Variants in NHSL2 observed in about 807,000 individuals in gnomAD.
NHSL2 encodes the protein NHS like 2, also known as NHS-like protein 2.
Under a neutral mutation model 53.4 loss-of-function variants are expected in NHSL2, and 27 were observed. The observed-to-expected ratio is 0.51, with a 90% CI of 0.37 to 0.70. The LOEUF is 0.70. NHSL2 is among the 30% of genes least tolerant of loss of function. NHSL2 has a pLI of 0.00. For missense variants in NHSL2, 892 were observed against 980.1 expected, an observed-to-expected ratio of 0.91 and a Z score of 1.20; for synonymous variants, 408 against 404.1, an observed-to-expected ratio of 1.01 and a Z score of -0.12.
chrX:72,134,522 A>G lies in NHSL2; in HGVS notation c.578A>G (p.Gln193Arg). Residue 193 changes from glutamine to arginine, a missense_variant, in exon 4 of 8, where the codon CAG becomes CGG. By Grantham distance (43) the Gln-to-Arg change is conservative. Coordinates refer to ENST00000633930, the MANE Select transcript of NHSL2 (RefSeq NM_001013627.3). ...CTCTCCCAACAGCCTACAAAACGGC[A>G]GCTGAGCGAGGATGAGACTACCACC... ...LEFILMPTKRQLSEDETTTQG... is the reference protein window; with the variant it reads ...LEFILMPTKRRLSEDETTTQG... 3.4e-6 allele frequency: 4 copies of G among 1,166,395 alleles called. No homozygotes were observed. The highest frequency in any genetic ancestry group is 4.6e-6 in the Non-Finnish European group (4 of 871,437).
intron 1 of NHSL2, among the ~76,000 whole-genome samples, chrX:72,088,231 C>CA (rs779915425): frequency 5.2e-4 from 58 of 110,814 alleles, no homozygotes; most frequent in African/African-American, 1.4e-3. Flanking sequence ...AACTCCATCT[C>CA]AAAAAAAACA....
At chrX:72,130,448 G>A (rs1028453688) in intron 1 of NHSL2, 4 of 1,204,727 alleles carry the variant, frequency 3.3e-6, no homozygotes, top group Non-Finnish European at 4.5e-6. Flanking sequence ...GCCCTCATGC[G>A]CTTCCTCTGG....
intron 1 of NHSL2, among the ~76,000 whole-genome samples, chrX:72,030,208 G>T (rs1203894971): frequency 8.9e-6 from 1 of 112,393 alleles, no homozygotes; most frequent in Non-Finnish European, 1.9e-5. Context: ...ACGAAGAAAA[G>T]ACATGAAGGG....
At chrX:71,912,097 T>C (rs761558470) in intron 1 of NHSL2, among the ~76,000 whole-genome samples, 1 of 112,618 alleles carries the variant, frequency 8.9e-6, no homozygotes, top group Admixed American at 9.3e-5. Context: ...CTATCATCAG[T>C]TTCCTGAAGC....
chrX:71,928,621 C>T (rs1213586541), intron 1 of NHSL2, among the ~76,000 whole-genome samples: 1 of 111,158 alleles, frequency 9.0e-6, no homozygotes, highest in East Asian at 2.8e-4. Flanking sequence ...TTCCCCTCTA[C>T]CATATGGTAT....
At chrX:72,038,397 A>T (rs550559431) in intron 1 of NHSL2, among the ~76,000 whole-genome samples, 1 of 112,496 alleles carries the variant, frequency 8.9e-6, no homozygotes. Context: ...TATAAACAGT[A>T]AAGTAGGGAG....
chrX:72,037,372 G>T (rs956434161), intron 1 of NHSL2, among the ~76,000 whole-genome samples: 1 of 110,066 alleles, frequency 9.1e-6, no homozygotes, highest in Non-Finnish European at 1.9e-5. Context: ...GCAGTGAGCC[G>T]AGATGGCGCC....
intron 6 of NHSL2, 42 bp downstream of exon 6, chrX:72,140,813 G>A: frequency 4.7e-6 from 5 of 1,053,303 alleles, no homozygotes; most frequent in East Asian, 3.1e-5. Flanking sequence ...AGTCACAGGA[G>A]AGATGAGGGT....
chrX:72,055,847 G>A (rs755533612), intron 1 of NHSL2, among the ~76,000 whole-genome samples: 23 of 112,449 alleles, frequency 2.0e-4, no homozygotes, highest in African/African-American at 7.4e-4. Flanking sequence ...CTTTACTGGA[G>A]ATTCTAAAAA....
chrX:71,988,783 C>T (rs1181030355), intron 1 of NHSL2, among the ~76,000 whole-genome samples: 3 of 111,063 alleles, frequency 2.7e-5, no homozygotes, highest in East Asian at 5.6e-4. Context: ...TCTTGGATCT[C>T]GCGCAAGAAA....
intron 1 of NHSL2, among the ~76,000 whole-genome samples, chrX:72,016,022 T>G (rs2042134428): frequency 8.9e-6 from 1 of 112,384 alleles, no homozygotes; most frequent in Admixed American, 9.4e-5. Context: ...TCCTGGCTTT[T>G]GGGTTGTGTT....
intron 1 of NHSL2, among the ~76,000 whole-genome samples, chrX:71,995,597 G>A (rs186468389): frequency 1.5e-3 from 165 of 111,551 alleles, no homozygotes; most frequent in African/African-American, 5.1e-3. Flanking sequence ...AGGTACCTGC[G>A]TGGTTCACTT....
At chrX:71,980,823 C>T (rs185606953) in intron 1 of NHSL2, among the ~76,000 whole-genome samples, 10 of 111,074 alleles carry the variant, frequency 9.0e-5, no homozygotes, top group Admixed American at 6.7e-4. Context: ...AAAGATATAC[C>T]GTGAAGAGTT....
intron 1 of NHSL2, among the ~76,000 whole-genome samples, chrX:72,113,850 C>T (rs769844805): frequency 8.9e-5 from 10 of 112,050 alleles, no homozygotes; most frequent in Non-Finnish European, 1.9e-4. Flanking sequence ...TGGGGAGGAG[C>T]CCCCGTCTGG....
intron 1 of NHSL2, among the ~76,000 whole-genome samples, chrX:72,054,479 G>T (rs1489093354): frequency 1.8e-5 from 2 of 111,605 alleles, no homozygotes; most frequent in East Asian, 5.6e-4. Flanking sequence ...AATAGAGTTG[G>T]TTTTTTCTTG....
intron 1 of NHSL2, among the ~76,000 whole-genome samples, chrX:71,964,858 G>A (rs2041894388): frequency 8.9e-6 from 1 of 112,126 alleles, no homozygotes; most frequent in African/African-American, 3.2e-5. Flanking sequence ...TAATTTTAAT[G>A]AGTCCAGTTT....
At chrX:72,085,199 G>A (rs1386356646) in intron 1 of NHSL2, among the ~76,000 whole-genome samples, 9 of 111,722 alleles carry the variant, frequency 8.1e-5, no homozygotes, top group African/African-American at 2.9e-4. Flanking sequence ...ATGACCCCCA[G>A]CACAGCCTGC....
chrX:71,974,135 G>A (rs1320413174), intron 1 of NHSL2, among the ~76,000 whole-genome samples: 3 of 112,263 alleles, frequency 2.7e-5, no homozygotes, highest in South Asian at 7.4e-4. Flanking sequence ...TTTCACCAGC[G>A]AAATGATTGT....
At chrX:72,131,266 G>C in intron 1 of NHSL2, 8 of 1,199,371 alleles carry the variant, frequency 6.7e-6, no homozygotes, top group Admixed American at 2.2e-5. Flanking sequence ...CTCCGCGCGT[G>C]GGGGAGGCCG....
Sources: gnomAD v4.1 joint callset for allele counts (sites outside exome capture counted in the v4.1 genomes callset) on GRCh38, gnomAD v4.1.1 for gene constraint, MANE v1.5 for transcripts, NCBI Gene and HGNC (gene_info 2026-07-23, HGNC 2026-07-21) for gene names.